FAM13C: variants seen among roughly 807,000 people sequenced by gnomAD.
FAM13C encodes family with sequence similarity 13 member C.
In FAM13C, 37 loss-of-function variants were observed where a neutral mutation model predicts 73.2. The observed-to-expected ratio is 0.51, with a 90% CI of 0.39 to 0.67. The LOEUF is 0.67. FAM13C is among the 30% of genes least tolerant of loss of function. FAM13C has a pLI of 0.00. For synonymous variants in FAM13C, 246 were observed against 260.9 expected, an observed-to-expected ratio of 0.94 and a Z score of 0.55; for missense variants, 589 against 715.6, an observed-to-expected ratio of 0.82 and a Z score of 2.02.
At chr10:59,301,828 C>G (rs957735869) in intron 5 of FAM13C, among the ~76,000 whole-genome samples, 2 of 152,194 alleles carry the variant, frequency 1.3e-5, no homozygotes, top group Non-Finnish European at 2.9e-5. Context: ...CTTTAGGACA[C>G]TTTTTACCAC....
chr10:59,355,782 C>T, intron 2 of FAM13C, 105 bp downstream of exon 2: 2 of 1,179,058 alleles, frequency 1.7e-6, no homozygotes, highest in Non-Finnish European at 2.5e-6. Flanking sequence ...GACATGAGAA[C>T]AAATAATTGG....
At chr10:59,329,011 A>T (rs1185668950) in intron 3 of FAM13C, among the ~76,000 whole-genome samples, 1 of 152,168 alleles carries the variant, frequency 6.6e-6, no homozygotes, top group Non-Finnish European at 1.5e-5. Context: ...GGGAACTTTA[A>T]AGATGTTTAT....
At chr10:59,360,265 T>A (rs557680664) in intron 1 of FAM13C, among the ~76,000 whole-genome samples, 70 of 152,200 alleles carry the variant, frequency 4.6e-4, no homozygotes, top group Admixed American at 8.5e-4. Context: ...ACTTTTTAAT[T>A]TCCAATTTAA....
At chr10:59,362,008 T>C (rs1233302141) in intron 1 of FAM13C, among the ~76,000 whole-genome samples, 1 of 152,218 alleles carries the variant, frequency 6.6e-6, no homozygotes, top group South Asian at 2.1e-4. Flanking sequence ...ATTCAGCTCA[T>C]TTCACATCTA....
intron 5 of FAM13C, among the ~76,000 whole-genome samples, chr10:59,284,852 C>T (rs1299446767): frequency 6.6e-6 from 1 of 151,596 alleles, no homozygotes; most frequent in Non-Finnish European, 1.5e-5. Context: ...CACACACCCA[C>T]ATCCAATTCC....
At chr10:59,347,341 A>G (rs1456055861) in intron 3 of FAM13C, among the ~76,000 whole-genome samples, 3 of 152,148 alleles carry the variant, frequency 2.0e-5, no homozygotes, top group Non-Finnish European at 4.4e-5. Flanking sequence ...TCATTCTTAT[A>G]TAAGTGGTCA....
chr10:59,314,863 A>C (rs183171138), intron 4 of FAM13C, among the ~76,000 whole-genome samples: 17 of 152,336 alleles, frequency 1.1e-4, no homozygotes, highest in African/African-American at 4.1e-4. Context: ...AGAGGCATCT[A>C]TGATACAAAT....
chr10:59,327,316 C>T (rs1320517729), intron 3 of FAM13C, among the ~76,000 whole-genome samples: 2 of 152,192 alleles, frequency 1.3e-5, no homozygotes, highest in African/African-American at 4.8e-5. Context: ...GTGCTGCCAG[C>T]TGTCATTTAT....
chr10:59,251,219 C>T (rs1841340514), intron 13 of FAM13C: 1 of 340,152 alleles, frequency 2.9e-6, no homozygotes, highest in Admixed American at 4.7e-5. Flanking sequence ...ACTTGTGGAA[C>T]TAAGAAACCA....
At chr10:59,278,079 CAA>C (rs767025779) in intron 6 of FAM13C, among the ~76,000 whole-genome samples, 1 of 152,170 alleles carries the variant, frequency 6.6e-6, no homozygotes, top group Non-Finnish European at 1.5e-5. Context: ...TGGTGGCAGA[CAA>C]GAGAAGAGAG....
intron 3 of FAM13C, among the ~76,000 whole-genome samples, chr10:59,330,662 C>G (rs926760714): frequency 2.0e-5 from 3 of 152,078 alleles, no homozygotes; most frequent in Non-Finnish European, 4.4e-5. Context: ...AATCAGCTAA[C>G]CAAAATCTAG....
intron 5 of FAM13C, among the ~76,000 whole-genome samples, chr10:59,284,639 A>G (rs1361651752): frequency 7.0e-6 from 1 of 143,720 alleles, no homozygotes; most frequent in Non-Finnish European, 1.5e-5. Context: ...TCCATCCTAC[A>G]TGCACTCTCA....
chr10:59,259,631 A>G (rs1476050946), intron 10 of FAM13C, among the ~76,000 whole-genome samples: 1 of 152,198 alleles, frequency 6.6e-6, no homozygotes, highest in Admixed American at 6.5e-5. Context: ...CTCTCTGTTT[A>G]AAGGGCCTAA....
intron 3 of FAM13C, among the ~76,000 whole-genome samples, chr10:59,345,396 A>G (rs537833320): frequency 1.3e-5 from 2 of 152,318 alleles, no homozygotes; most frequent in Admixed American, 6.5e-5. Context: ...GAGTACTAGG[A>G]TTTTCCATTT....
At chr10:59,284,258 G>A (rs1770820959) in intron 5 of FAM13C, among the ~76,000 whole-genome samples, 1 of 152,010 alleles carries the variant, frequency 6.6e-6, no homozygotes, top group Non-Finnish European at 1.5e-5. Context: ...CATACAGATT[G>A]ACGCATGCAT....
intron 6 of FAM13C, among the ~76,000 whole-genome samples, chr10:59,280,172 T>C (rs1205338107): frequency 2.6e-5 from 4 of 152,238 alleles, no homozygotes. Flanking sequence ...TGACCAACTG[T>C]CCTGGAATAT....
chr10:59,251,077 A>G (rs1036594011), intron 13 of FAM13C: 1 of 158,570 alleles, frequency 6.3e-6, no homozygotes, highest in African/African-American at 2.4e-5. Context: ...CTAACCATTT[A>G]TTTAAGAAGT....
intron 3 of FAM13C, among the ~76,000 whole-genome samples, chr10:59,336,765 T>A (rs771940371): frequency 6.6e-6 from 1 of 152,224 alleles, no homozygotes; most frequent in Non-Finnish European, 1.5e-5. Context: ...CTCCCTCTTA[T>A]GGTAAAAGTT....
chr10:59,332,425 G>C (rs188966325), intron 3 of FAM13C, among the ~76,000 whole-genome samples: 4 of 152,214 alleles, frequency 2.6e-5, no homozygotes, highest in Admixed American at 2.0e-4. Flanking sequence ...CTGCAGAGAA[G>C]ACCAAGAAAG....
Sources: gnomAD v4.1 joint callset for allele counts (sites outside exome capture counted in the v4.1 genomes callset) on GRCh38, gnomAD v4.1.1 for gene constraint, MANE v1.5 for transcripts, NCBI Gene and HGNC (gene_info 2026-07-23, HGNC 2026-07-21) for gene names.